GNAL: variants seen among roughly 807,000 people sequenced by gnomAD.
The protein encoded by GNAL is guanine nucleotide-binding protein G(olf) subunit alpha.
In GNAL, 18 loss-of-function variants were observed where a neutral mutation model predicts 55.1. The observed-to-expected ratio is 0.33, with a 90% CI of 0.23 to 0.48. The LOEUF (loss-of-function observed/expected upper bound fraction) is 0.48. GNAL is among the 20% of genes least tolerant of loss of function. The probability of loss-of-function intolerance (pLI) is 0.99; values close to 1 mark genes in which losing one functional copy is unlikely to be tolerated. For missense variants in GNAL, 412 were observed against 614.1 expected, an observed-to-expected ratio of 0.67 and a Z score of 3.48; for synonymous variants, 253 against 237.0, an observed-to-expected ratio of 1.07 and a Z score of -0.62.
In GNAL at chr18:11,868,534, C is replaced by T. The variant is rs769730787; in HGVS notation, c.911-9C>T. ...TAACTGAGGTGCTTTCCTTTTTCTC[C>T]CCACCAAGATGTCACAGCTATCATT... On this transcript the variant is annotated splice_polypyrimidine_tract_variant and intron_variant, in intron 8 of 11. Coordinates refer to ENST00000334049, the MANE Select transcript of GNAL (RefSeq NM_182978.4). This position sits in a 1 kb window ranked among gnomAD's most constrained non-coding sequence, Gnocchi z 4.0. The T allele has an allele frequency of 2.0e-5, 32 of 1,603,082 alleles. No homozygotes were observed. The highest frequency in any genetic ancestry group is 2.6e-5 in the Non-Finnish European group (31 of 1,176,056).
chr18:11,725,651 A>G (rs1328652487), intron 1 of GNAL, among the ~76,000 whole-genome samples: 4 of 152,162 alleles, frequency 2.6e-5, no homozygotes, highest in African/African-American at 9.7e-5. Context: ...TTCATCATCA[A>G]ATAGTAGTTT....
At chr18:11,772,354 T>G (rs1350976103) in intron 4 of GNAL, among the ~76,000 whole-genome samples, 1 of 152,226 alleles carries the variant, frequency 6.6e-6, no homozygotes, top group Admixed American at 6.5e-5. Flanking sequence ...CCACTCATGC[T>G]TCTCTTGTGG....
At position 11,868,508 on chromosome 18, in the gene GNAL, C is replaced by T. The variant is rs779034939; in HGVS notation, c.911-35C>T. The T allele has an allele frequency of 1.3e-6, 2 of 1,587,376 alleles. No homozygotes were observed. On this transcript the variant is annotated intron_variant, in intron 8 of 11. Coordinates refer to ENST00000334049, the MANE Select transcript of GNAL (RefSeq NM_182978.4). The surrounding 1 kb of genome is among the most constrained non-coding windows in gnomAD (Gnocchi z 4.0). ...TCTTGTAACTCCACAGTGAGGATGT[C>T]TAACTGAGGTGCTTTCCTTTTTCTC...
chr18:11,806,732 T>C (rs77241384), intron 4 of GNAL, among the ~76,000 whole-genome samples: 35 of 93,186 alleles, frequency 3.8e-4, no homozygotes, highest in Admixed American at 1.5e-3. Flanking sequence ...TGAAGTACTC[T>C]TTTTTTTTTT....
intron 1 of GNAL, among the ~76,000 whole-genome samples, chr18:11,740,422 C>T (rs1263641079): frequency 6.6e-6 from 1 of 152,152 alleles, no homozygotes; most frequent in Non-Finnish European, 1.5e-5. Context: ...GGAGAGTCTT[C>T]ACTTCTTGGC....
rs1361736766 is a variant in GNAL, at chr18:11,768,989, ATAT to A, written c.624+15048_624+15050del. On this transcript the variant is annotated intron_variant, in intron 4 of 11. Coordinates refer to ENST00000334049, the MANE Select transcript of GNAL (RefSeq NM_182978.4). Reference sequence around the variant, plus strand: ...ATATATTATATATATTATATATTCTATATTATAATATAGAATATATATATTCTA... The same window carrying A: ...ATATATTATATATATTATATATTCTATATAATATAGAATATATATATTCTA... 6.2e-4 allele frequency among the ~76,000 whole-genome samples: 70 copies of A among 112,846 alleles called. 17 individuals carry two copies. Among genetic ancestry groups the A allele is most frequent in the African/African-American group, 2.9e-3 (68 of 23,158 alleles). The allele number at this position is 112,846 out of a possible 152,430, so 74.0% of individuals were successfully genotyped here.
Position 11,805,338 on chromosome 18 carries a change from C to T in GNAL, c.625-19580C>T, listed in dbSNP as rs141530316. Among the ~76,000 whole-genome samples, 159 of 150,650 alleles carry T rather than the reference C, an allele frequency of 1.1e-3. 1 individual carries two copies. The highest frequency in any genetic ancestry group is 2.0e-3 in the Non-Finnish European group (133 of 67,736). The stretch of plus-strand genomic sequence containing the variant: ...AGATACTGTGTAGTGGTGAGGTACA[C>T]GTGCAATTTGGATGGAACATGGAGG... On this transcript the variant is annotated intron_variant, in intron 4 of 11. Coordinates refer to ENST00000334049, the MANE Select transcript of GNAL (RefSeq NM_182978.4).
intron 1 of GNAL, among the ~76,000 whole-genome samples, chr18:11,717,531 G>A (rs1423975294): frequency 5.3e-5 from 8 of 152,170 alleles, no homozygotes. Flanking sequence ...GCAAAGACAT[G>A]GAATCAAACT....
At chr18:11,836,552 T>A (rs2035502657) in intron 5 of GNAL, among the ~76,000 whole-genome samples, 1 of 152,216 alleles carries the variant, frequency 6.6e-6, no homozygotes, top group Non-Finnish European at 1.5e-5. Flanking sequence ...AAACTTGCCC[T>A]GTGGAGGCAC....
intron 1 of GNAL, among the ~76,000 whole-genome samples, chr18:11,721,362 T>C (rs534904772): frequency 6.6e-6 from 1 of 152,356 alleles, no homozygotes; most frequent in Admixed American, 6.5e-5. Context: ...AACCTTTTTC[T>C]GCTCCACAGA....
chr18:11,807,141 A>G (rs2034685091), intron 4 of GNAL, among the ~76,000 whole-genome samples: 1 of 152,074 alleles, frequency 6.6e-6, no homozygotes, highest in South Asian at 2.1e-4. Context: ...CCTGGGTGAT[A>G]GAGCGAGACT....
intron 4 of GNAL, among the ~76,000 whole-genome samples, chr18:11,770,378 C>A (rs1415710735): frequency 6.6e-6 from 1 of 152,120 alleles, no homozygotes; most frequent in Non-Finnish European, 1.5e-5. Flanking sequence ...CCTTTAGAAT[C>A]ATCTCTGAAA....
chr18:11,752,722 TC>T lies in GNAL; in HGVS notation c.377-129del. The T allele has an allele frequency of 8.6e-7, 1 of 1,160,944 alleles. No homozygotes were observed. The highest frequency in any genetic ancestry group is 1.2e-6 in the Non-Finnish European group (1 of 823,366). The allele number at this position is 1,160,944 out of a possible 1,614,324, so 71.9% of individuals were successfully genotyped here. On this transcript the variant is annotated intron_variant, in intron 1 of 11. Coordinates refer to ENST00000334049, the MANE Select transcript of GNAL (RefSeq NM_182978.4). This position sits in a 1 kb window ranked among gnomAD's most constrained non-coding sequence, Gnocchi z 4.5. ...AGCCCAGACGGCGGCCGGGGCGAGC[TC>T]CTCCAGCCAGGAACCCGCGTGTAGG...
intron 9 of GNAL, among the ~76,000 whole-genome samples, chr18:11,870,195 T>G (rs151206935): frequency 1.3e-5 from 2 of 152,132 alleles, no homozygotes; most frequent in Non-Finnish European, 2.9e-5. Flanking sequence ...GGGTTCAAAA[T>G]AGGTTTTGTT....
chr18:11,819,568 G>C (rs1198986949), intron 4 of GNAL, among the ~76,000 whole-genome samples: 1 of 151,804 alleles, frequency 6.6e-6, no homozygotes, highest in African/African-American at 2.4e-5. Flanking sequence ...AGATCACATG[G>C]CAATTCTCAT....
chr18:11,799,675 G>A lies in GNAL; in HGVS notation c.625-25243G>A, dbSNP rs529026712. On this transcript the variant is annotated intron_variant, in intron 4 of 11. Coordinates refer to ENST00000334049, the MANE Select transcript of GNAL (RefSeq NM_182978.4). ...TCTGGATTAGGGATGCTCAACCTACGTATAAAAAAAATCCAATATATGAAA... is the reference window on the plus strand; with the variant it reads ...TCTGGATTAGGGATGCTCAACCTACATATAAAAAAAATCCAATATATGAAA... Among the ~76,000 whole-genome samples the A allele has an allele frequency of 5.3e-5, 8 of 152,084 alleles. No homozygotes were observed. In the South Asian group the frequency reaches 6.2e-4, roughly 12 times the overall value.
intron 1 of GNAL, among the ~76,000 whole-genome samples, chr18:11,703,715 T>A (rs1035343243): frequency 6.6e-6 from 1 of 151,952 alleles, no homozygotes; most frequent in Non-Finnish European, 1.5e-5. Flanking sequence ...TGACATTTTC[T>A]CAGAAGTAAT....
At chr18:11,749,139 A>ACC (rs2032757136) in intron 1 of GNAL, among the ~76,000 whole-genome samples, 1 of 151,126 alleles carries the variant, frequency 6.6e-6, no homozygotes. Flanking sequence ...AAAAAAAAAA[A>ACC]AAAAAAAAAA....
At position 11,752,405 on chromosome 18, in the gene GNAL, CT is replaced by C; in HGVS notation, c.377-446del. ...TATTGCTTTTTGCGCACATTCCTAA[CT>C]TCCTGACGTCCATCCCAGCGGGCAG... is the stretch of plus-strand genomic sequence containing the variant. On this transcript the variant is annotated intron_variant, in intron 1 of 11. Transcript: ENST00000334049. This position sits in a 1 kb window ranked among gnomAD's most constrained non-coding sequence, Gnocchi z 4.5. 1 of 1,594,476 alleles carries C rather than the reference CT, an allele frequency of 6.3e-7. No homozygotes were observed. The highest frequency in any genetic ancestry group is 8.5e-7 in the Non-Finnish European group (1 of 1,172,790).
Sources: gnomAD v4.1 joint callset for allele counts (sites outside exome capture counted in the v4.1 genomes callset) on GRCh38, gnomAD v4.1.1 for gene constraint, Gnocchi (gnomAD v3.1) non-coding constraint, MANE v1.5 for transcripts, NCBI Gene and HGNC (gene_info 2026-07-23, HGNC 2026-07-21) for gene names.